Variants in BDH1 observed in about 807,000 individuals in gnomAD.
The protein encoded by BDH1 is 3-hydroxybutyrate dehydrogenase 1.
In BDH1, 30 loss-of-function variants were observed where a neutral mutation model predicts 33.1. The observed-to-expected ratio is 0.91, with a 90% CI of 0.68 to 1.23. The LOEUF is 1.23. BDH1 is among the 50% of genes most tolerant of loss of function. BDH1 has a pLI of 0.00. For missense variants in BDH1, 443 were observed against 464.4 expected, an observed-to-expected ratio of 0.95 and a Z score of 0.42; for synonymous variants, 190 against 183.6, an observed-to-expected ratio of 1.03 and a Z score of -0.28.
intron 5 of BDH1, among the ~76,000 whole-genome samples, chr3:197,531,872 C>A (rs1212171250): frequency 6.6e-6 from 1 of 152,082 alleles, no homozygotes; most frequent in Non-Finnish European, 1.5e-5. Context: ...CCCGAAGGAG[C>A]CTCATGCTTT....
intron 3 of BDH1, 59 bp from the exon 4 acceptor site, chr3:197,533,620 C>A (rs1159933365): frequency 5.1e-6 from 8 of 1,558,466 alleles, no homozygotes; most frequent in African/African-American, 1.4e-5. Context: ...CTCAGCCACA[C>A]TGGCCTAGAG....
intron 1 of BDH1, among the ~76,000 whole-genome samples, chr3:197,566,995 A>C (rs1717452913): frequency 6.6e-6 from 1 of 152,210 alleles, no homozygotes. Context: ...CTGATGTATA[A>C]ACTTCAGAGT....
chr3:197,514,310 T>C lies in BDH1; in HGVS notation c.516A>G (p.Thr172=), dbSNP rs1432460502. 6.8e-6 allele frequency: 11 copies of C among 1,613,932 alleles called. No individual in the cohort carries two copies. Among genetic ancestry groups the C allele is most frequent in the African/African-American group, 1.3e-5 (1 of 74,930 alleles). ...KQVAEVNLWG[T]VRMTKSFLPL... ...GGAGAAAGGATTTCGTCATCCGCAC[T>C]GTGCCCCAAAGGTTCACTTCTGCCA... The change falls in exon 7 of 8, where the codon ACA becomes ACG. Residue 172 remains threonine (T), a synonymous_variant. Transcript: ENST00000392379. The surrounding 1 kb of genome is among the most constrained non-coding windows in gnomAD (Gnocchi z 4.2).
chr3:197,540,530 G>A lies in BDH1; in HGVS notation c.83+5831C>T, dbSNP rs193192363. Among the ~76,000 whole-genome samples, 103 of 152,046 alleles carry A rather than the reference G, an allele frequency of 6.8e-4. 2 individuals are homozygous for A. The highest frequency in any genetic ancestry group is 2.2e-3 in the African/African-American group (93 of 41,496). On this transcript the variant is annotated intron_variant, in intron 3 of 7. Coordinates refer to ENST00000392379, the MANE Select transcript of BDH1 (RefSeq NM_203314.3). ...CTAAAAATACAAAAATTAGCAGGGC[G>A]TGGTGGCACACGCCTATAATCCCAG...
intron 1 of BDH1, among the ~76,000 whole-genome samples, chr3:197,572,274 C>G (rs543823575): frequency 6.6e-6 from 1 of 152,218 alleles, no homozygotes; most frequent in African/African-American, 2.4e-5. Context: ...GGTAATCACC[C>G]CAGCACCTTC....
intron 3 of BDH1, among the ~76,000 whole-genome samples, chr3:197,543,489 G>A (rs1715828943): frequency 6.6e-6 from 1 of 152,230 alleles, no homozygotes; most frequent in Non-Finnish European, 1.5e-5. Context: ...ACCTGCCCCA[G>A]GGATGCCAGA....
At chr3:197,531,339 T>C (rs1222537462) in intron 5 of BDH1, among the ~76,000 whole-genome samples, 4 of 150,912 alleles carry the variant, frequency 2.7e-5, no homozygotes, top group Non-Finnish European at 5.9e-5. Flanking sequence ...GAGGTTGCAG[T>C]GAGCCAAGAT....
chr3:197,570,075 G>T (rs929581190), intron 1 of BDH1, among the ~76,000 whole-genome samples: 1 of 152,196 alleles, frequency 6.6e-6, no homozygotes, highest in African/African-American at 2.4e-5. Context: ...TGGAGATGAG[G>T]CACTTGGGAA....
rs1407679881 is a variant in BDH1, at chr3:197,520,405, T to G, written c.409+2235A>C. ...AAAGGTCTGCGCGTCAGGCTGGTGC[T>G]GGGGTTGGAGCCCAGATCCCCGGGC... On this transcript the variant is annotated intron_variant, in intron 6 of 7. Coordinates refer to ENST00000392379, the MANE Select transcript of BDH1 (RefSeq NM_203314.3). This position sits in a 1 kb window ranked among gnomAD's most constrained non-coding sequence, Gnocchi z 6.0. Among the ~76,000 whole-genome samples the G allele has an allele frequency of 2.0e-5, 3 of 152,192 alleles. No homozygotes were observed.
intron 1 of BDH1, among the ~76,000 whole-genome samples, chr3:197,571,844 C>T (rs1421476701): frequency 6.6e-6 from 1 of 152,202 alleles, no homozygotes; most frequent in Non-Finnish European, 1.5e-5. Context: ...GGGAGGATCA[C>T]TTGACCCTAG....
Position 197,552,419 on chromosome 3 carries a change from C to G in BDH1, c.-44+2143G>C, listed in dbSNP as rs13323537. On this transcript the variant is annotated intron_variant, in intron 2 of 7. Transcript: ENST00000392379. The stretch of plus-strand genomic sequence containing the variant: ...ACATAAATCAGATCATGTCACGCCT[C>G]ACCAAACTCCTGCCAGAGTAAAAGC... Among the ~76,000 whole-genome samples the G allele has an allele frequency of 3.9e-3, 592 of 152,328 alleles. 5 individuals carry two copies. The highest frequency in any genetic ancestry group is 0.013 in the African/African-American group (547 of 41,576).
chr3:197,525,492 T>C lies in BDH1; in HGVS notation c.268-2711A>G, dbSNP rs148670353. 1.3e-5 allele frequency among the ~76,000 whole-genome samples: 2 copies of C among 152,334 alleles called. No homozygotes were observed. Among genetic ancestry groups the C allele is most frequent in the East Asian group, 3.9e-4 (2 of 5,176 alleles). On this transcript the variant is annotated intron_variant, in intron 5 of 7. Transcript: ENST00000392379. This position sits in a 1 kb window ranked among gnomAD's most constrained non-coding sequence, Gnocchi z 4.9. ...CCCCCGACTCCAAGTCAGTAAACTCTTAATTTGGCAGTTTGACAGTGAAGA... is the reference window on the plus strand; with the variant it reads ...CCCCCGACTCCAAGTCAGTAAACTCCTAATTTGGCAGTTTGACAGTGAAGA...
intron 2 of BDH1, among the ~76,000 whole-genome samples, chr3:197,550,707 G>A (rs894691368): frequency 5.3e-5 from 8 of 152,098 alleles, no homozygotes; most frequent in Admixed American, 6.5e-5. Flanking sequence ...TGCAGGGGGT[G>A]GGGGGATAAG....
chr3:197,564,789 C>T (rs951796765), intron 1 of BDH1, among the ~76,000 whole-genome samples: 17 of 152,266 alleles, frequency 1.1e-4, no homozygotes, highest in Non-Finnish European at 1.0e-4. Context: ...TATTAACCAA[C>T]TCCTAAGTAA....
At chr3:197,541,015 C>T (rs774350515) in intron 3 of BDH1, among the ~76,000 whole-genome samples, 1 of 152,192 alleles carries the variant, frequency 6.6e-6, no homozygotes, top group Non-Finnish European at 1.5e-5. Flanking sequence ...TCGGCCTTTC[C>T]TTCTTGGCCA....
At chr3:197,564,811 G>A (rs1717381396) in intron 1 of BDH1, among the ~76,000 whole-genome samples, 1 of 152,112 alleles carries the variant, frequency 6.6e-6, no homozygotes, top group Non-Finnish European at 1.5e-5. Context: ...GGTTATAAAG[G>A]TTATGAAAGG....
chr3:197,562,903 G>T (rs2163499), intron 1 of BDH1, among the ~76,000 whole-genome samples: 1 of 151,992 alleles, frequency 6.6e-6, no homozygotes, highest in Non-Finnish European at 1.5e-5. Context: ...AATTTACATT[G>T]AGGAAAAAGA....
At chr3:197,540,210 C>T (rs192530488) in intron 3 of BDH1, among the ~76,000 whole-genome samples, 5 of 152,060 alleles carry the variant, frequency 3.3e-5, no homozygotes, top group East Asian at 2.0e-4. Context: ...TGTTCCACCA[C>T]GCCCTGCTAA....
At chr3:197,558,920 C>T (rs534645532), upstream of BDH1, among the ~76,000 whole-genome samples, 4 of 152,224 alleles carry the variant, frequency 2.6e-5, no homozygotes, top group Non-Finnish European at 4.4e-5. Context: ...CCGAGAACCT[C>T]TCCTAGAAAG....
Sources: allele counts gnomAD v4.1 joint callset (sites outside exome capture counted in the v4.1 genomes callset), GRCh38; gene constraint gnomAD v4.1.1; non-coding constraint Gnocchi (gnomAD v3.1); transcripts MANE v1.5; gene names NCBI Gene and HGNC (gene_info 2026-07-23, HGNC 2026-07-21).